The following UHRF1 variants were observed in gnomAD, a reference collection of about 807,000 sequenced individuals.
UHRF1 encodes E3 ubiquitin-protein ligase UHRF1.
Under a neutral mutation model 96.5 loss-of-function variants are expected in UHRF1, and 9 were observed. That is an observed-to-expected ratio of 0.09 (90% confidence interval 0.06 to 0.16). UHRF1 has a LOEUF of 0.16. UHRF1 is among the 10% of genes least tolerant of loss of function. UHRF1 has a pLI of 1.00. For missense variants in UHRF1, 626 were observed against 1,131.1 expected (o/e 0.55, Z 6.40); for synonymous variants, 455 against 469.9 (o/e 0.97, Z 0.41).
intron 13 of UHRF1, among the ~76,000 whole-genome samples, chr19:4,951,613 C>T (rs1222236198): frequency 1.3e-5 from 2 of 149,832 alleles, no homozygotes; most frequent in Non-Finnish European, 2.9e-5. Flanking sequence ...ACCAGACTTG[C>T]TTGTCTTCGT....
Position 4,942,200 on chromosome 19 carries a change from C to CT in UHRF1, c.1073+279dup, listed in dbSNP as rs943037431. ...GTCTTTTTTCTTTTCTTTTTCTTTT[C>CT]TTTTTTTTTTGCGGCGGAGTCTCGC... On this transcript the variant is annotated intron_variant, in intron 7 of 16. Coordinates refer to ENST00000650932, the MANE Select transcript of UHRF1 (RefSeq NM_001048201.3). Among the ~76,000 whole-genome samples, 299 of 147,464 alleles carry CT rather than the reference C, an allele frequency of 2.0e-3. 2 individuals are homozygous for CT. The highest frequency in any genetic ancestry group is 0.012 in the East Asian group (59 of 4,994).
At chr19:4,955,380 C>G (rs549246321) in intron 15 of UHRF1, among the ~76,000 whole-genome samples, 2 of 152,226 alleles carry the variant, frequency 1.3e-5, no homozygotes, top group South Asian at 2.1e-4. Context: ...AGCGCATCTT[C>G]TTCCAGTCTC....
chr19:4,949,718 T>C (rs563400262), intron 11 of UHRF1, among the ~76,000 whole-genome samples: 1 of 152,228 alleles, frequency 6.6e-6, no homozygotes, highest in South Asian at 2.1e-4. Context: ...TGTGGGCCTA[T>C]AGTCCCAGCT....
intron 11 of UHRF1, among the ~76,000 whole-genome samples, chr19:4,949,180 A>C (rs943016190): frequency 5.3e-5 from 8 of 152,232 alleles, no homozygotes; most frequent in African/African-American, 1.9e-4. Flanking sequence ...GTTGTAATCA[A>C]ATACAAACTG....
chr19:4,941,700 C>T (rs1208952711), intron 6 of UHRF1, 45 bp from the exon 7 acceptor site: 1 of 1,563,394 alleles, frequency 6.4e-7, no homozygotes, highest in Non-Finnish European at 8.7e-7. Context: ...CCGTCTCTGG[C>T]TTGGCCGGGC....
At chr19:4,910,004 C>G (rs2032191343) in intron 1 of UHRF1, 3 of 186,514 alleles carry the variant, frequency 1.6e-5, no homozygotes, top group Admixed American at 6.2e-5. Flanking sequence ...CCTGAGTTCC[C>G]CGGGAGCATC....
intron 15 of UHRF1, 36 bp from the exon 16 acceptor site, chr19:4,956,673 G>A (rs376169052): frequency 3.7e-5 from 52 of 1,387,660 alleles, no homozygotes; most frequent in Admixed American, 2.1e-4. Flanking sequence ...CCCTGGTCCC[G>A]GTGTCTTTGC....
In UHRF1 at chr19:4,954,530, G is replaced by A; in HGVS notation, c.1957+42G>A. 1.3e-6 allele frequency: 2 copies of A among 1,588,100 alleles called. No homozygotes were observed. The highest frequency in any genetic ancestry group is 1.7e-6 in the Non-Finnish European group (2 of 1,164,378). ...TGTGGGGTGAGCGTCTTGTGTGTGGGGGAGCAGGTGGGCATCTCGCGGGTG... is the reference window on the plus strand; with the variant it reads ...TGTGGGGTGAGCGTCTTGTGTGTGGAGGAGCAGGTGGGCATCTCGCGGGTG... On this transcript the variant is annotated intron_variant, in intron 14 of 16. Coordinates refer to ENST00000650932, the MANE Select transcript of UHRF1 (RefSeq NM_001048201.3). The surrounding 1 kb of genome is among the most constrained non-coding windows in gnomAD (Gnocchi z 5.9).
chr19:4,904,740 A>G (rs900565084), upstream of UHRF1, among the ~76,000 whole-genome samples: 19 of 152,246 alleles, frequency 1.2e-4, no homozygotes, highest in Admixed American at 1.2e-3. Flanking sequence ...TGGCTCAGCC[A>G]GGAGTGGGTG....
At chr19:4,936,860 T>C (rs1362975174) in intron 5 of UHRF1, among the ~76,000 whole-genome samples, 1 of 151,958 alleles carries the variant, frequency 6.6e-6, no homozygotes, top group Non-Finnish European at 1.5e-5. Flanking sequence ...TTTATTCAGT[T>C]TCCCCCAGTG....
intron 2 of UHRF1, among the ~76,000 whole-genome samples, chr19:4,927,380 C>CAAAAAAAA (rs35783129): frequency 1.2e-5 from 1 of 83,494 alleles, no homozygotes; most frequent in Non-Finnish European, 2.2e-5. Flanking sequence ...GACTCCATCT[C>CAAAAAAAA]AAAAAAAAAA....
intron 10 of UHRF1, among the ~76,000 whole-genome samples, chr19:4,946,428 G>A (rs1391057758): frequency 6.6e-6 from 1 of 152,122 alleles, no homozygotes; most frequent in Non-Finnish European, 1.5e-5. Context: ...TCTGTCCGTG[G>A]GCACTGGGGT....
At chr19:4,911,433 C>A (rs1024842319) in intron 2 of UHRF1, among the ~76,000 whole-genome samples, 12 of 152,154 alleles carry the variant, frequency 7.9e-5, no homozygotes, top group Non-Finnish European at 1.5e-4. Flanking sequence ...CTTTTTTAAA[C>A]ATCCACCACC....
chr19:4,952,280 G>C (rs575258295), intron 13 of UHRF1, among the ~76,000 whole-genome samples: 281 of 152,084 alleles, frequency 1.8e-3, no homozygotes, highest in Non-Finnish European at 3.4e-3. Context: ...TTTTAGTAGA[G>C]ACGGGGTTTC....
chr19:4,954,996 C>T lies in UHRF1; in HGVS notation c.2130+174C>T, dbSNP rs1351000836. On this transcript the variant is annotated intron_variant, in intron 15 of 16. Transcript: ENST00000650932. This position sits in a 1 kb window ranked among gnomAD's most constrained non-coding sequence, Gnocchi z 5.9. Reference sequence around the variant, plus strand: ...CACCTCCAGAACTTTATCCTCTCCCCAGACTGAAACCCTGGCCCTGAAACT... The same window carrying T: ...CACCTCCAGAACTTTATCCTCTCCCTAGACTGAAACCCTGGCCCTGAAACT... Among the ~76,000 whole-genome samples the T allele has an allele frequency of 6.6e-6, 1 of 152,144 alleles. No homozygotes were observed. Among genetic ancestry groups the T allele is most frequent in the African/African-American group, 2.4e-5 (1 of 41,420 alleles).
chr19:4,945,053 C>T (rs951038232), intron 9 of UHRF1, among the ~76,000 whole-genome samples: 2 of 152,152 alleles, frequency 1.3e-5, no homozygotes, highest in African/African-American at 4.8e-5. Flanking sequence ...CAAGCTGGGC[C>T]TCATCATGGA....
At chr19:4,923,208 C>T (rs1469098453) in intron 2 of UHRF1, among the ~76,000 whole-genome samples, 1 of 152,200 alleles carries the variant, frequency 6.6e-6, no homozygotes, top group Admixed American at 6.5e-5. Context: ...GGTCTGTCTC[C>T]TCCCCGACTT....
intron 4 of UHRF1, among the ~76,000 whole-genome samples, chr19:4,932,532 C>G (rs372965034): frequency 6.6e-6 from 1 of 152,204 alleles, no homozygotes; most frequent in Admixed American, 6.5e-5. Flanking sequence ...TTGAACATCT[C>G]TTTTTGCAGG....
chr19:4,906,844 T>C (rs1319010032), upstream of UHRF1, among the ~76,000 whole-genome samples: 3 of 152,356 alleles, frequency 2.0e-5, no homozygotes, highest in African/African-American at 7.2e-5. Context: ...GATGATGTGT[T>C]CTGATAGAAA....
Sources: gnomAD v4.1 joint callset for allele counts (sites outside exome capture counted in the v4.1 genomes callset) on GRCh38, gnomAD v4.1.1 for gene constraint, Gnocchi (gnomAD v3.1) non-coding constraint, MANE v1.5 for transcripts, NCBI Gene and HGNC (gene_info 2026-07-23, HGNC 2026-07-21) for gene names.